IMMP2L: variants seen among roughly 807,000 people sequenced by gnomAD.
IMMP2L encodes the protein inner mitochondrial membrane peptidase subunit 2.
In IMMP2L, 18 loss-of-function variants were observed where a neutral mutation model predicts 19.3. The observed-to-expected ratio is 0.93, with a 90% CI of 0.64 to 1.38. IMMP2L has a LOEUF of 1.38. IMMP2L is among the 40% of genes most tolerant of loss of function. The pLI is 0.00. For missense variants in IMMP2L, 233 were observed against 218.2 expected (o/e 1.07, Z -0.43); for synonymous variants, 76 against 73.0 (o/e 1.04, Z -0.21).
intron 3 of IMMP2L, among the ~76,000 whole-genome samples, chr7:111,350,931 A>G (rs1033796431): frequency 1.3e-5 from 2 of 152,160 alleles, no homozygotes; most frequent in African/African-American, 4.8e-5. Flanking sequence ...ATGCATTTTC[A>G]ATCATTGCAT....
At chr7:111,195,827 T>TTTTATTTC (rs1562912427) in intron 3 of IMMP2L, among the ~76,000 whole-genome samples, 1 of 46,988 alleles carries the variant, frequency 2.1e-5, no homozygotes. Context: ...TATTTTATTT[T>TTTTATTTC]ATTTCATTTC....
At chr7:111,052,317 A>C (rs2129573069) in intron 3 of IMMP2L, among the ~76,000 whole-genome samples, 1 of 152,256 alleles carries the variant, frequency 6.6e-6, no homozygotes, top group Admixed American at 6.5e-5. Flanking sequence ...TTTACCATCT[A>C]TTCTCTTTGA....
intron 5 of IMMP2L, among the ~76,000 whole-genome samples, chr7:110,695,285 G>A (rs1036590259): frequency 9.9e-5 from 15 of 152,084 alleles, no homozygotes; most frequent in African/African-American, 3.4e-4. Flanking sequence ...TCAACCTTCT[G>A]GGTTCAAGCT....
At chr7:110,763,219 C>CTTAACATT (rs1448936545) in intron 5 of IMMP2L, among the ~76,000 whole-genome samples, 1 of 152,106 alleles carries the variant, frequency 6.6e-6, no homozygotes, top group African/African-American at 2.4e-5. Context: ...ATAGAACAAG[C>CTTAACATT]TTAACATTTC....
intron 3 of IMMP2L, among the ~76,000 whole-genome samples, chr7:111,230,829 T>G (rs1813631421): frequency 6.6e-6 from 1 of 151,924 alleles, no homozygotes; most frequent in Non-Finnish European, 1.5e-5. Flanking sequence ...AGCACAGATA[T>G]GGGAATATTT....
chr7:111,260,946 A>C (rs1182475445), intron 3 of IMMP2L, among the ~76,000 whole-genome samples: 1 of 152,120 alleles, frequency 6.6e-6, no homozygotes, highest in Admixed American at 6.6e-5. Flanking sequence ...TAAATACATG[A>C]GGATAAAAAA....
At chr7:111,176,720 G>A (rs1807102868) in intron 3 of IMMP2L, among the ~76,000 whole-genome samples, 1 of 151,784 alleles carries the variant, frequency 6.6e-6, no homozygotes, top group Non-Finnish European at 1.5e-5. Context: ...GCACAAAAGG[G>A]TAACTACCAT....
chr7:110,765,858 T>C (rs1798623788), intron 5 of IMMP2L, among the ~76,000 whole-genome samples: 1 of 152,170 alleles, frequency 6.6e-6, no homozygotes, highest in African/African-American at 2.4e-5. Context: ...AGTAGGCTAG[T>C]ATTTCCATTA....
chr7:110,843,856 C>T (rs750517738), intron 5 of IMMP2L, among the ~76,000 whole-genome samples: 3 of 152,124 alleles, frequency 2.0e-5, no homozygotes, highest in East Asian at 1.9e-4. Context: ...GGAAGTGGTC[C>T]GTGTGTCGGC....
At chr7:111,228,835 T>A (rs542733138) in intron 3 of IMMP2L, among the ~76,000 whole-genome samples, 1 of 152,134 alleles carries the variant, frequency 6.6e-6, no homozygotes, top group East Asian at 1.9e-4. Context: ...AAAGGTATTT[T>A]ACAATGTTAT....
intron 5 of IMMP2L, among the ~76,000 whole-genome samples, chr7:110,835,775 C>A (rs546983509): frequency 6.6e-6 from 1 of 152,032 alleles, no homozygotes; most frequent in Non-Finnish European, 1.5e-5. Context: ...GATTAGAACT[C>A]TTTTAATAAT....
At chr7:111,366,429 G>T (rs939664537) in intron 3 of IMMP2L, among the ~76,000 whole-genome samples, 1 of 151,024 alleles carries the variant, frequency 6.6e-6, no homozygotes. Flanking sequence ...CTGAAGAATT[G>T]TTATAGATTA....
intron 3 of IMMP2L, among the ~76,000 whole-genome samples, chr7:111,467,135 T>A (rs989499532): frequency 1.3e-5 from 2 of 152,168 alleles, no homozygotes; most frequent in Non-Finnish European, 2.9e-5. Context: ...GCACAGCCCC[T>A]GAGGCGAGAA....
chr7:110,742,192 T>G (rs1797031048), intron 5 of IMMP2L, among the ~76,000 whole-genome samples: 1 of 152,194 alleles, frequency 6.6e-6, no homozygotes. Flanking sequence ...TTTGAGGTTA[T>G]TTTTGTATAT....
intron 3 of IMMP2L, among the ~76,000 whole-genome samples, chr7:111,419,510 T>TTCTAC: frequency 6.6e-6 from 1 of 151,764 alleles, no homozygotes; most frequent in Admixed American, 6.6e-5. Flanking sequence ...AATAAATGTG[T>TTCTAC]ATCTGATTGC....
At chr7:110,955,136 ATC>A (rs1818236094) in intron 4 of IMMP2L, among the ~76,000 whole-genome samples, 1 of 152,108 alleles carries the variant, frequency 6.6e-6, no homozygotes, top group African/African-American at 2.4e-5. Context: ...TAAGGTGACT[ATC>A]TCTCTGGTGA....
chr7:111,498,557 A>G (rs1459197444), intron 2 of IMMP2L, among the ~76,000 whole-genome samples: 1 of 152,054 alleles, frequency 6.6e-6, no homozygotes, highest in Admixed American at 6.6e-5. Flanking sequence ...TAAGGTGTGT[A>G]GCACAGAAAG....
chr7:111,423,363 T>C (rs144045996), intron 3 of IMMP2L, among the ~76,000 whole-genome samples: 3,145 of 151,886 alleles, frequency 0.021, 198 homozygotes, highest in African/African-American at 0.072. Flanking sequence ...TTTTGTTTGG[T>C]AGCCTATTAA....
Position 111,485,597 on chromosome 7 carries a change from C to CAAAAAAAAAAAAAAAAAAAAAAAAAA in IMMP2L, c.239+1615_239+1640dup, listed in dbSNP as rs71147477. Among the ~76,000 whole-genome samples the CAAAAAAAAAAAAAAAAAAAAAAAAAA allele has an allele frequency of 4.0e-5, 2 of 50,596 alleles. 1 individual carries two copies. The highest frequency in any genetic ancestry group is 6.5e-5 in the Non-Finnish European group (2 of 30,598). The allele number at this position is 50,596 out of a possible 152,430, so 33.2% of individuals were successfully genotyped here. ...TGCGCAACAGAGCGAGACTCTGTTTCAAAAAAAAAAAAAAAAAAAAAAAAA... is the reference window on the plus strand; with the variant it reads ...TGCGCAACAGAGCGAGACTCTGTTTCAAAAAAAAAAAAAAAAAAAAAAAAAAAAAAAAAAAAAAAAAAAAAAAAAAA... On this transcript the variant is annotated intron_variant, in intron 3 of 5. Transcript: ENST00000405709.
Sources: allele counts gnomAD v4.1 joint callset (sites outside exome capture counted in the v4.1 genomes callset), GRCh38; gene constraint gnomAD v4.1.1; transcripts MANE v1.5; gene names NCBI Gene and HGNC (gene_info 2026-07-23, HGNC 2026-07-21).